EGLN2: variants seen among roughly 807,000 people sequenced by gnomAD.
EGLN2 encodes prolyl hydroxylase EGLN2.
EGLN2 carries 15 observed loss-of-function variants against 38.2 expected under a neutral mutation model. The ratio of observed to expected loss-of-function variants is 0.39; its 90% CI spans 0.26 to 0.60. EGLN2 has a LOEUF of 0.60. Among genes scored for constraint, EGLN2 ranks in the 20% least tolerant of loss-of-function variants. The pLI is 0.50. For synonymous variants in EGLN2, 284 were observed against 237.4 expected (o/e 1.20, Z -1.81); for missense variants, 492 against 570.4 (o/e 0.86, Z 1.40).
In EGLN2 at chr19:40,802,776, G is replaced by A. The variant is rs542530723; in HGVS notation, c.843+1361G>A. Among the ~76,000 whole-genome samples the A allele has an allele frequency of 1.6e-4, 24 of 152,374 alleles. No individual in the cohort carries two copies. The East Asian group carries it at 4.2e-3, about 27-fold the overall frequency. Reference sequence around the variant, plus strand: ...CTTGGTGTCCTTTGGACAAGGCCCTGTGGGGAGTGCCCACTGCTCAACACA... The same window carrying A: ...CTTGGTGTCCTTTGGACAAGGCCCTATGGGGAGTGCCCACTGCTCAACACA... On this transcript the variant is annotated intron_variant, in intron 2 of 5. Coordinates refer to ENST00000303961, the MANE Select transcript of EGLN2 (RefSeq NM_080732.4).
At chr19:40,801,651 C>CTTTTTTTT (rs58809253) in intron 2 of EGLN2, among the ~76,000 whole-genome samples, 12 of 102,700 alleles carry the variant, frequency 1.2e-4, no homozygotes, top group African/African-American at 2.2e-4. Context: ...CACAGTGGTT[C>CTTTTTTTT]TTTTTTTTTT....
At chr19:40,806,761 C>T (rs1170840532) in intron 3 of EGLN2, 87 bp downstream of exon 3, 5 of 1,538,896 alleles carry the variant, frequency 3.2e-6, no homozygotes, top group Non-Finnish European at 4.4e-6. Context: ...CCACTCTCAG[C>T]CCAGATTCTG....
At position 40,800,761 on chromosome 19, in the gene EGLN2, C is replaced by G. The variant is rs371841299; in HGVS notation, c.189C>G (p.Thr63=). The change falls in exon 2 of 6, where the codon ACC becomes ACG. Residue 63 remains threonine (T), a synonymous_variant. Coordinates refer to ENST00000303961, the MANE Select transcript of EGLN2 (RefSeq NM_080732.4). ...GTGAGGCCTCGGCAGGGAGTGGGAC[C>G]CCCAGAGCCACAGCCACCTCTACCA... ...VPSEASAGSG[T]PRATATSTTA... The G allele has an allele frequency of 2.2e-4, 360 of 1,613,328 alleles. No individual in the cohort carries two copies. Among genetic ancestry groups the G allele is most frequent in the Non-Finnish European group, 2.9e-4 (344 of 1,179,674 alleles).
At chr19:40,806,770 T>C in intron 3 of EGLN2, 96 bp downstream of exon 3, 2 of 1,512,406 alleles carry the variant, frequency 1.3e-6, no homozygotes, top group Non-Finnish European at 1.8e-6. Context: ...GCCCAGATTC[T>C]GGCATTCTCC....
chr19:40,804,019 A>C (rs1208716419), intron 2 of EGLN2: 1 of 152,116 alleles, frequency 6.6e-6, no homozygotes, highest in South Asian at 2.1e-4. Flanking sequence ...TTCACCCCCA[A>C]GGTGTGTATA....
Position 40,800,968 on chromosome 19 carries a change from C to A in EGLN2, c.396C>A (p.Ser132Arg). ...ATGGTGGGGATGCCCCTTCACCCAG[C>A]AAACGGCCCTGGGCCAGGCAAGAGA... ...AEDGGDAPSPSKRPWARQENQ... is the reference protein window; with the variant it reads ...AEDGGDAPSPRKRPWARQENQ... Residue 132 changes from serine (S) to arginine (R), a missense_variant, in exon 2 of 6, where the codon AGC (serine) becomes AGA (arginine). Ser to Arg is a moderately radical substitution (Grantham distance 110). Coordinates refer to ENST00000303961, the MANE Select transcript of EGLN2 (RefSeq NM_080732.4). 4.3e-6 allele frequency: 7 copies of A among 1,611,738 alleles called. No homozygotes were observed. The highest frequency in any genetic ancestry group is 5.9e-6 in the Non-Finnish European group (7 of 1,179,270).
intron 1 of EGLN2, chr19:40,799,566 CAG>C (rs1171567677): frequency 2.0e-5 from 3 of 151,396 alleles, no homozygotes; most frequent in Admixed American, 6.6e-5. Flanking sequence ...GAAGGGGCCT[CAG>C]GGCCTGCCCC....
chr19:40,806,175 G>T, intron 2 of EGLN2: 2 of 216,918 alleles, frequency 9.2e-6, no homozygotes, highest in South Asian at 6.8e-5. Context: ...CTGGTCTAGG[G>T]CTGTGAGGCC....
At chr19:40,802,777 T>A (rs1380925222) in intron 2 of EGLN2, among the ~76,000 whole-genome samples, 1 of 152,232 alleles carries the variant, frequency 6.6e-6, no homozygotes, top group Non-Finnish European at 1.5e-5. Flanking sequence ...CAAGGCCCTG[T>A]GGGGAGTGCC....
intron 2 of EGLN2, among the ~76,000 whole-genome samples, chr19:40,803,503 G>A (rs939959233): frequency 6.6e-6 from 1 of 152,158 alleles, no homozygotes; most frequent in Admixed American, 6.5e-5. Flanking sequence ...GGCCCCATCT[G>A]GACTCTCTCC....
At chr19:40,800,161 C>T in intron 1 of EGLN2, 178 bp from the exon 2 acceptor site, 1 of 197,594 alleles carries the variant, frequency 5.1e-6, no homozygotes, top group Non-Finnish European at 1.1e-5. Flanking sequence ...TGTCAGCGGA[C>T]TCCCGCACCT....
rs371841299 is a variant in EGLN2 at position 40,800,761 on chromosome 19, C to T, written c.189C>T (p.Thr63=). The T allele has an allele frequency of 6.2e-7, 1 of 1,613,328 alleles. No individual in the cohort carries two copies. Among genetic ancestry groups the T allele is most frequent in the African/African-American group, 1.3e-5 (1 of 74,920 alleles). Reference sequence around the variant, plus strand: ...GTGAGGCCTCGGCAGGGAGTGGGACCCCCAGAGCCACAGCCACCTCTACCA... The same window carrying T: ...GTGAGGCCTCGGCAGGGAGTGGGACTCCCAGAGCCACAGCCACCTCTACCA... The part of the protein sequence containing the change: ...VPSEASAGSG[T]PRATATSTTA... The change falls in exon 2 of 6, where the codon ACC becomes ACT. Residue 63 remains threonine (T), a synonymous_variant. Transcript: ENST00000303961.
At chr19:40,801,651 CTTTTTTTTTTTT>C (rs58809253) in intron 2 of EGLN2, among the ~76,000 whole-genome samples, 4 of 102,716 alleles carry the variant, frequency 3.9e-5, no homozygotes, top group African/African-American at 7.3e-5. Context: ...CACAGTGGTT[CTTTTTTTTTTTT>C]TTTTTTTTTT....
At position 40,807,370 on chromosome 19, in the gene EGLN2, GA is replaced by G. The variant is rs930689923; in HGVS notation, c.1100+97del. On this transcript the variant is annotated intron_variant, in intron 4 of 5. Coordinates refer to ENST00000303961, the MANE Select transcript of EGLN2 (RefSeq NM_080732.4). ...TGACTAGGGAGCGACGAAGTATTGA[GA>G]GGGGGCCTAGGTGGGAGCAGAACCG... 58 of 1,604,366 alleles carry G rather than the reference GA, an allele frequency of 3.6e-5. No homozygotes were observed. In the African/African-American group the frequency reaches 6.7e-4, roughly 18 times the overall value.
chr19:40,801,534 C>A, intron 2 of EGLN2, 119 bp downstream of exon 2: 1 of 1,422,062 alleles, frequency 7.0e-7, no homozygotes. Context: ...AAGGTTTAGG[C>A]AGTTCAGTGG....
rs750349808 is a variant in EGLN2, at chr19:40,801,132, G to A, written c.560G>A (p.Arg187Gln). 26 of 1,612,778 alleles carry A rather than the reference G, an allele frequency of 1.6e-5. 1 individual carries two copies. The East Asian group carries it at 3.1e-4, about 19-fold the overall frequency. The change falls in exon 2 of 6, where the codon CGG becomes CAG. Residue 187 changes from arginine to glutamine, a missense_variant. Physicochemically the swap from Arg to Gln is conservative, Grantham distance 43. Around this residue, in one of 2 missense-constraint regions of EGLN2, gnomAD observed 378 missense variants for 386.2 expected, o/e 0.98. Coordinates refer to ENST00000303961, the MANE Select transcript of EGLN2 (RefSeq NM_080732.4). Reference sequence around the variant, plus strand: ...CTGGACTATATCGTGCCCTGCATGCGGTACTACGGCATCTGCGTCAAGGAC... The same window carrying A: ...CTGGACTATATCGTGCCCTGCATGCAGTACTACGGCATCTGCGTCAAGGAC... ...LALDYIVPCM[R>Q]YYGICVKDSF...
At chr19:40,806,325 T>G in intron 2 of EGLN2, 1 of 709,650 alleles carries the variant, frequency 1.4e-6, no homozygotes, top group Non-Finnish European at 2.2e-6. Context: ...GGTATGTGTG[T>G]TGGGAGGGAG....
Position 40,801,024 on chromosome 19 carries a change from G to A in EGLN2, c.452G>A (p.Ser151Asn). ...GAGGCAGAGCGGGAGGGTGGCATGA[G>A]CTGCAGCTGCAGCAGTGGCAGTGGT... ...NQEAEREGGMSCSCSSGSGEA... is the reference protein window; with the variant it reads ...NQEAEREGGMNCSCSSGSGEA... Residue 151 changes from serine to asparagine, a missense_variant, in exon 2 of 6, where the codon AGC (serine) becomes AAC (asparagine). Ser to Asn is a conservative substitution (Grantham distance 46). Transcript: ENST00000303961. The A allele has an allele frequency of 1.9e-6, 3 of 1,613,090 alleles. No homozygotes were observed. Among genetic ancestry groups the A allele is most frequent in the Non-Finnish European group, 2.5e-6 (3 of 1,179,770 alleles).
At chr19:40,799,797 T>A (rs1233447774) in intron 1 of EGLN2, 1 of 152,336 alleles carries the variant, frequency 6.6e-6, no homozygotes, top group Non-Finnish European at 1.5e-5. Context: ...ACCGTCCCGC[T>A]CCGCCCCGGG....
Sources: allele counts gnomAD v4.1 joint callset (sites outside exome capture counted in the v4.1 genomes callset), GRCh38; gene constraint gnomAD v4.1.1; regional missense constraint gnomAD v4.1.1; transcripts MANE v1.5; gene names NCBI Gene and HGNC (gene_info 2026-07-23, HGNC 2026-07-21).